Variants in SLC25A37 observed in about 807,000 individuals in gnomAD.
SLC25A37 encodes mitoferrin-1.
A neutral mutation model predicts 31.0 loss-of-function variants in SLC25A37; 17 were observed. The ratio of observed to expected loss-of-function variants is 0.55; its 90% CI spans 0.38 to 0.82. SLC25A37 has a LOEUF of 0.82. SLC25A37 is among the 40% of genes least tolerant of loss of function. The pLI, the probability that SLC25A37 is intolerant of heterozygous loss-of-function variation, is 0.00. For missense variants in SLC25A37, 404 were observed against 465.8 expected (o/e 0.87, Z 1.22); for synonymous variants, 222 against 193.0 (o/e 1.15, Z -1.24).
intron 1 of SLC25A37, among the ~76,000 whole-genome samples, chr8:23,542,681 T>G (rs1400863227): frequency 1.4e-5 from 2 of 138,982 alleles, no homozygotes; most frequent in African/African-American, 5.2e-5. Context: ...CCCTGGCCTT[T>G]TTTTTTTTTT....
chr8:23,555,833 C>T (rs1183818303), intron 1 of SLC25A37, among the ~76,000 whole-genome samples: 1 of 152,198 alleles, frequency 6.6e-6, no homozygotes, highest in African/African-American at 2.4e-5. Flanking sequence ...CCACTTTCTC[C>T]CCCCTCCAAC....
Position 23,571,954 on chromosome 8 carries a change from C to A in SLC25A37, c.*99C>A. 1 of 1,338,888 alleles carries A rather than the reference C, an allele frequency of 7.5e-7. No homozygotes were observed. The highest frequency in any genetic ancestry group is 1.0e-6 in the Non-Finnish European group (1 of 975,694). The allele number at this position is 1,338,888 out of a possible 1,614,324, so 82.9% of individuals were successfully genotyped here. A position where few individuals can be genotyped will look rare whatever the true frequency, so the allele number is the denominator to read the frequency against. ...TAGATCATTTTTTTTTTGCAGGGTG[C>A]TGCCTATGGGCCCTCTGCTCCCCAA... On this transcript the variant is annotated 3_prime_UTR_variant, in exon 4 of 4. Transcript: ENST00000519973.
At chr8:23,541,600 G>A (rs1390553101) in intron 1 of SLC25A37, 1 of 152,312 alleles carries the variant, frequency 6.6e-6, no homozygotes, top group Non-Finnish European at 1.5e-5. Flanking sequence ...AACATGGAGA[G>A]AGAGGTTTGC....
At chr8:23,536,009 T>G (rs1161621524) in intron 1 of SLC25A37, among the ~76,000 whole-genome samples, 1 of 152,132 alleles carries the variant, frequency 6.6e-6, no homozygotes, top group East Asian at 1.9e-4. Flanking sequence ...TTTATAGGGT[T>G]GTTGTAAGAA....
At chr8:23,567,693 T>C (rs887904371) in intron 2 of SLC25A37, 1 of 152,484 alleles carries the variant, frequency 6.6e-6, no homozygotes, top group Non-Finnish European at 1.5e-5. Flanking sequence ...GGCCTGATTC[T>C]GGCTTTTGAG....
At chr8:23,561,261 A>T (rs542553609) in intron 1 of SLC25A37, among the ~76,000 whole-genome samples, 2 of 151,872 alleles carry the variant, frequency 1.3e-5, no homozygotes, top group South Asian at 4.1e-4. Context: ...TAACAGAATG[A>T]TGCATTTTGG....
intron 1 of SLC25A37, among the ~76,000 whole-genome samples, chr8:23,548,774 G>A (rs1802141683): frequency 6.6e-6 from 1 of 152,168 alleles, no homozygotes; most frequent in African/African-American, 2.4e-5. Context: ...CTGGCCAAAG[G>A]CAAGAGATGA....
chr8:23,571,112 G>T (rs950833403), intron 3 of SLC25A37, among the ~76,000 whole-genome samples: 4 of 152,208 alleles, frequency 2.6e-5, no homozygotes, highest in Admixed American at 2.0e-4. Context: ...CCTTCCAGGC[G>T]TGAGTCCTGG....
At chr8:23,542,894 A>G (rs147055842) in intron 1 of SLC25A37, among the ~76,000 whole-genome samples, 74 of 152,216 alleles carry the variant, frequency 4.9e-4, no homozygotes, top group African/African-American at 1.7e-3. Context: ...AAAAAATAAA[A>G]AATGTTAAAA....
chr8:23,540,764 T>C (rs541148945), intron 1 of SLC25A37, among the ~76,000 whole-genome samples: 17 of 152,226 alleles, frequency 1.1e-4, no homozygotes, highest in Non-Finnish European at 1.9e-4. Context: ...CGTGGTCCAC[T>C]AAGGCTGCAG....
rs1008099771 is a variant in SLC25A37 at position 23,548,175 on chromosome 8, C to CTCTT, written c.211-17919_211-17916dup. Reference sequence around the variant, plus strand: ...CTCTTATATTCACTTCATTTCTTCTCTCTTTCTTTCTTTCTTTTTTTTGAG... The same window carrying CTCTT: ...CTCTTATATTCACTTCATTTCTTCTCTCTTTCTTTCTTTCTTTCTTTTTTTTGAG... On this transcript the variant is annotated intron_variant, in intron 1 of 3. Transcript: ENST00000519973. Among the ~76,000 whole-genome samples, 4 of 152,036 alleles carry CTCTT rather than the reference C, an allele frequency of 2.6e-5. No homozygotes were observed. The East Asian group carries it at 5.8e-4, about 22-fold the overall frequency.
rs570947726 is a variant in SLC25A37 at position 23,544,732 on chromosome 8, G to C, written c.210+15520G>C. 3.9e-5 allele frequency among the ~76,000 whole-genome samples: 6 copies of C among 152,316 alleles called. No homozygotes were observed. The East Asian group carries it at 9.6e-4, about 24-fold the overall frequency. On this transcript the variant is annotated intron_variant, in intron 1 of 3. Transcript: ENST00000519973. ...GAACATCACAGCCTATTTCCAAGGT[G>C]CCTGGCCATCCCCAGGGTGCCTGCA...
rs1801624094 is a variant in SLC25A37, at chr8:23,529,628, C to G, written c.210+416C>G. On this transcript the variant is annotated intron_variant, in intron 1 of 3. Coordinates refer to ENST00000519973, the MANE Select transcript of SLC25A37 (RefSeq NM_016612.4). This position sits in a 1 kb window ranked among gnomAD's most constrained non-coding sequence, Gnocchi z 4.1. ...GTGCGCGGTTTCCGAGGGAGCTCCC[C>G]GCAGGGGAAGCCCTCACCACGCTGG... Among the ~76,000 whole-genome samples, 1 of 152,168 alleles carries G rather than the reference C, an allele frequency of 6.6e-6. No homozygotes were observed. Among genetic ancestry groups the G allele is most frequent in the South Asian group, 2.1e-4 (1 of 4,836 alleles).
In SLC25A37 at chr8:23,573,989, C is replaced by A; in HGVS notation, c.*2134C>A. The A allele has an allele frequency of 2.9e-6, 1 of 347,748 alleles. No individual in the cohort carries two copies. Among genetic ancestry groups the A allele is most frequent in the Non-Finnish European group, 6.0e-6 (1 of 167,452 alleles). The allele number at this position is 347,748 out of a possible 1,614,324, so 21.5% of individuals were successfully genotyped here. A position where few individuals can be genotyped will look rare whatever the true frequency, so the allele number is the denominator to read the frequency against. On this transcript the variant is annotated 3_prime_UTR_variant, in exon 4 of 4. Transcript: ENST00000519973. ...AAATGGAGGGGAAAAAAATCAAATTCTAAATTTCAAAGTAGAATTTAAAGC... is the reference window on the plus strand; with the variant it reads ...AAATGGAGGGGAAAAAAATCAAATTATAAATTTCAAAGTAGAATTTAAAGC...
chr8:23,546,002 G>A (rs1372667227), intron 1 of SLC25A37, among the ~76,000 whole-genome samples: 2 of 152,162 alleles, frequency 1.3e-5, no homozygotes, highest in African/African-American at 4.8e-5. Flanking sequence ...GGGTGTGGTA[G>A]CAGATGCCTA....
chr8:23,558,272 G>T lies in SLC25A37; in HGVS notation c.211-7836G>T, dbSNP rs535007323. Reference sequence around the variant, plus strand: ...GGCTGGCTTGGGTGGCATGACCTCTGCAGGACCCCTAGAAGGGCCTGAGGC... The same window carrying T: ...GGCTGGCTTGGGTGGCATGACCTCTTCAGGACCCCTAGAAGGGCCTGAGGC... On this transcript the variant is annotated intron_variant, in intron 1 of 3. Transcript: ENST00000519973. Among the ~76,000 whole-genome samples, 4 of 152,302 alleles carry T rather than the reference G, an allele frequency of 2.6e-5. No homozygotes were observed. In the East Asian group the frequency reaches 7.7e-4, roughly 29 times the overall value.
At chr8:23,559,367 G>A (rs575687083) in intron 1 of SLC25A37, among the ~76,000 whole-genome samples, 2 of 152,048 alleles carry the variant, frequency 1.3e-5, no homozygotes, top group East Asian at 3.9e-4. Flanking sequence ...GTGTGTGCGC[G>A]CGCGCGTGTG....
Position 23,529,218 on chromosome 8 carries a change from G to A in SLC25A37, c.210+6G>A. 1 of 1,603,986 alleles carries A rather than the reference G, an allele frequency of 6.2e-7. No homozygotes were observed. Among genetic ancestry groups the A allele is most frequent in the Non-Finnish European group, 8.5e-7 (1 of 1,176,182 alleles). On this transcript the variant is annotated splice_donor_region_variant and intron_variant, in intron 1 of 3. Transcript: ENST00000519973. This position sits in a 1 kb window ranked among gnomAD's most constrained non-coding sequence, Gnocchi z 4.1. ...ACCCGGTGGACTCGGTGAAGGTGAG[G>A]CGCGGGGAGACTTCGGGGACGCAAC...
chr8:23,566,493 C>T (rs1280684983), intron 2 of SLC25A37, 157 bp downstream of exon 2: 24 of 1,423,614 alleles, frequency 1.7e-5, no homozygotes, highest in East Asian at 1.1e-4. Context: ...CCCAGACACA[C>T]GCACGCACAC....
Sources: allele counts gnomAD v4.1 joint callset (sites outside exome capture counted in the v4.1 genomes callset), GRCh38; gene constraint gnomAD v4.1.1; non-coding constraint Gnocchi (gnomAD v3.1); transcripts MANE v1.5; gene names NCBI Gene and HGNC (gene_info 2026-07-23, HGNC 2026-07-21).